Variants in CDK14 observed in about 807,000 individuals in gnomAD.
CDK14 encodes the protein cyclin-dependent kinase 14.
In CDK14, 34 loss-of-function variants were observed where a neutral mutation model predicts 60.7. The ratio of observed to expected loss-of-function variants is 0.56; its 90% CI spans 0.43 to 0.75. The LOEUF (loss-of-function observed/expected upper bound fraction) is 0.75. Ranked by LOEUF, CDK14 falls within the 30% of genes least tolerant of loss-of-function variation. The pLI, the probability that CDK14 is intolerant of heterozygous loss-of-function variation, is 0.00. For synonymous variants in CDK14, 197 were observed against 203.7 expected, an observed-to-expected ratio of 0.97 and a Z score of 0.28; for missense variants, 482 against 564.1, an observed-to-expected ratio of 0.85 and a Z score of 1.47.
At chr7:90,796,240 A>T (rs753583801) in intron 5 of CDK14, among the ~76,000 whole-genome samples, 2 of 152,170 alleles carry the variant, frequency 1.3e-5, no homozygotes, top group Non-Finnish European at 2.9e-5. Context: ...TAGGGACAAA[A>T]ATCTGATATT....
At chr7:91,203,536 G>A (rs1452871546) in intron 14 of CDK14, among the ~76,000 whole-genome samples, 1 of 152,166 alleles carries the variant, frequency 6.6e-6, no homozygotes, top group Non-Finnish European at 1.5e-5. Flanking sequence ...TGGGTACCAG[G>A]TCTCCATTCT....
At chr7:91,053,368 C>G (rs1381201153) in intron 11 of CDK14, among the ~76,000 whole-genome samples, 1 of 152,160 alleles carries the variant, frequency 6.6e-6, no homozygotes, top group Non-Finnish European at 1.5e-5. Flanking sequence ...TCTTTCAACT[C>G]TAAGCCATTC....
At chr7:90,707,347 T>C (rs10487124) in intron 2 of CDK14, among the ~76,000 whole-genome samples, 1,983 of 152,236 alleles carry the variant, frequency 0.013, 55 homozygotes, top group African/African-American at 0.045. Flanking sequence ...CCATGGTGAA[T>C]GCCTCTTACC....
chr7:91,184,204 TAAAAA>T (rs59565390), intron 14 of CDK14, among the ~76,000 whole-genome samples: 17 of 36,664 alleles, frequency 4.6e-4, no homozygotes, highest in East Asian at 1.8e-3. Flanking sequence ...GGCTCCGTCT[TAAAAA>T]AAAAAAAAAA....
intron 3 of CDK14, among the ~76,000 whole-genome samples, chr7:90,736,345 T>C (rs11772874): frequency 0.24 from 17,411 of 72,952 alleles, 1,507 homozygotes; most frequent in South Asian, 0.31. Context: ...CTTTATTATG[T>C]TTTTGTTTTT....
chr7:90,620,783 C>T (rs901932383), intron 2 of CDK14, among the ~76,000 whole-genome samples: 1 of 152,100 alleles, frequency 6.6e-6, no homozygotes, highest in African/African-American at 2.4e-5. Context: ...AGCTGAGGGG[C>T]ACATGGAGAC....
chr7:90,751,049 T>C (rs553253777), intron 4 of CDK14, among the ~76,000 whole-genome samples: 1 of 152,160 alleles, frequency 6.6e-6, no homozygotes, highest in African/African-American at 2.4e-5. Flanking sequence ...TGATCAAACC[T>C]TCAAATTATT....
intron 5 of CDK14, among the ~76,000 whole-genome samples, chr7:90,840,826 G>A (rs1459460485): frequency 1.3e-5 from 2 of 152,080 alleles, no homozygotes; most frequent in Non-Finnish European, 2.9e-5. Flanking sequence ...TATACCAAAG[G>A]GCTACAGCTG....
At chr7:90,781,976 G>C (rs2116934057) in intron 4 of CDK14, among the ~76,000 whole-genome samples, 1 of 152,246 alleles carries the variant, frequency 6.6e-6, no homozygotes, top group East Asian at 1.9e-4. Context: ...AGCTTGATGG[G>C]AATGGTATTG....
At chr7:91,091,245 T>TA (rs1050897963) in intron 12 of CDK14, among the ~76,000 whole-genome samples, 63 of 146,814 alleles carry the variant, frequency 4.3e-4, no homozygotes, top group Non-Finnish European at 7.2e-4. Flanking sequence ...AATTTATCTG[T>TA]AAAAAAAATA....
chr7:91,004,195 A>G (rs1795917638), intron 10 of CDK14, among the ~76,000 whole-genome samples: 2 of 152,254 alleles, frequency 1.3e-5, no homozygotes, highest in South Asian at 2.1e-4. Flanking sequence ...ACATAAAACC[A>G]GTAGAAAACT....
chr7:90,941,696 T>G (rs1793940501), intron 8 of CDK14, among the ~76,000 whole-genome samples: 1 of 152,112 alleles, frequency 6.6e-6, no homozygotes, highest in Non-Finnish European at 1.5e-5. Context: ...GCCAGCAGTC[T>G]TCCTGCCTTA....
At chr7:90,936,956 G>C (rs1377869573) in intron 8 of CDK14, among the ~76,000 whole-genome samples, 2 of 151,972 alleles carry the variant, frequency 1.3e-5, no homozygotes, top group Non-Finnish European at 2.9e-5. Context: ...GTGCACACCT[G>C]TAGTCCTAGC....
chr7:90,801,590 T>A (rs1410633439), intron 5 of CDK14, among the ~76,000 whole-genome samples: 1 of 152,164 alleles, frequency 6.6e-6, no homozygotes, highest in Non-Finnish European at 1.5e-5. Context: ...CTTCCACAAT[T>A]CTATACGTTG....
At chr7:90,634,399 C>T (rs1443899085) in intron 2 of CDK14, among the ~76,000 whole-genome samples, 1 of 149,300 alleles carries the variant, frequency 6.7e-6, no homozygotes, top group Non-Finnish European at 1.5e-5. Context: ...GGTTTTTTGT[C>T]CTTGCGATAG....
intron 14 of CDK14, among the ~76,000 whole-genome samples, chr7:91,176,661 T>A (rs1361505485): frequency 5.9e-5 from 9 of 151,950 alleles, no homozygotes; most frequent in African/African-American, 1.9e-4. Flanking sequence ...CAAACTACCA[T>A]CAGAGAATAC....
intron 10 of CDK14, among the ~76,000 whole-genome samples, chr7:91,010,815 TCCTTCCTTCCTTCCTTCCTCCCTC>T (rs1475601524): frequency 7.2e-4 from 80 of 111,302 alleles, no homozygotes; most frequent in African/African-American, 1.3e-3. Flanking sequence ...CTTCCTTCCT[TCCTTCCTTCCTTCCTTCCTCCCTC>T]CCTCCCTCCC....
At chr7:90,794,506 T>C (rs552051006) in intron 5 of CDK14, among the ~76,000 whole-genome samples, 1 of 152,292 alleles carries the variant, frequency 6.6e-6, no homozygotes, top group East Asian at 1.9e-4. Flanking sequence ...GCATTCTCTT[T>C]CTCAGGGATG....
chr7:91,026,553 T>A (rs10488000), intron 10 of CDK14, among the ~76,000 whole-genome samples: 22,384 of 152,164 alleles, frequency 0.15, 1,877 homozygotes, highest in Middle Eastern at 0.27. Flanking sequence ...CATATGAGGG[T>A]AAAATTCTCC....
Sources: gnomAD v4.1 joint callset for allele counts (sites outside exome capture counted in the v4.1 genomes callset) on GRCh38, gnomAD v4.1.1 for gene constraint, MANE v1.5 for transcripts, NCBI Gene and HGNC (gene_info 2026-07-23, HGNC 2026-07-21) for gene names.